Variants in SUPT3H observed in about 807,000 individuals in gnomAD.
SUPT3H encodes transcription initiation protein SPT3 homolog.
SUPT3H carries 44 observed loss-of-function variants against 44.3 expected under a neutral mutation model. The observed-to-expected ratio is 0.99, with a 90% CI of 0.78 to 1.28. SUPT3H has a LOEUF of 1.28. Ranked by LOEUF, SUPT3H falls within the 50% of genes most tolerant of loss-of-function variation. The probability of loss-of-function intolerance (pLI) is 0.00; values close to 1 mark genes in which losing one functional copy is unlikely to be tolerated. For missense variants in SUPT3H, 380 were observed against 387.1 expected, an observed-to-expected ratio of 0.98 and a Z score of 0.15; for synonymous variants, 124 against 125.6, an observed-to-expected ratio of 0.99 and a Z score of 0.09.
At chr6:45,192,279 G>T (rs1269574369) in intron 2 of SUPT3H, among the ~76,000 whole-genome samples, 1 of 151,918 alleles carries the variant, frequency 6.6e-6, no homozygotes. Context: ...TTTTGCAAGG[G>T]GAAAAAATCA....
chr6:44,991,447 G>A (rs997246381), intron 6 of SUPT3H, among the ~76,000 whole-genome samples: 2 of 151,926 alleles, frequency 1.3e-5, no homozygotes, highest in African/African-American at 2.4e-5. Context: ...AGTTCCAAAC[G>A]GATATGCTAA....
chr6:44,893,192 T>A (rs1763567421), intron 10 of SUPT3H, among the ~76,000 whole-genome samples: 1 of 152,210 alleles, frequency 6.6e-6, no homozygotes, highest in South Asian at 2.1e-4. Context: ...CTATTTATAA[T>A]ATATAAAGGC....
intron 2 of SUPT3H, among the ~76,000 whole-genome samples, chr6:45,288,848 ATCC>A (rs1562883910): frequency 6.6e-6 from 1 of 151,858 alleles, no homozygotes; most frequent in East Asian, 1.9e-4. Flanking sequence ...CTTTTTGCCC[ATCC>A]TCTGTCCATT....
chr6:45,105,980 G>A lies in SUPT3H; in HGVS notation c.128C>T (p.Pro43Leu), dbSNP rs780450405. The A allele has an allele frequency of 5.0e-6, 8 of 1,613,668 alleles. No individual in the cohort carries two copies. Among genetic ancestry groups the A allele is most frequent in the East Asian group, 2.2e-5 (1 of 44,830 alleles). The stretch of plus-strand genomic sequence containing the variant: ...TACCAAAACTGCTGTTTCATGAAGA[G>A]GCCTTCTAGCATCACCTAAAGAATA... ...MMYSLGDARR[P>L]LHETAVLVED... The change falls in exon 3 of 11, where the codon CCT (proline) becomes CTT (leucine). Residue 43 changes from proline to leucine, a missense_variant. Coordinates refer to ENST00000371459, the MANE Select transcript of SUPT3H (RefSeq NM_003599.4).
intron 6 of SUPT3H, among the ~76,000 whole-genome samples, chr6:44,991,784 G>A (rs1780651287): frequency 6.6e-6 from 1 of 151,990 alleles, no homozygotes; most frequent in Admixed American, 6.6e-5. Context: ...AAGAAATGGG[G>A]GAAATTATCT....
chr6:45,132,791 G>A (rs1171724221), intron 2 of SUPT3H, among the ~76,000 whole-genome samples: 1 of 152,104 alleles, frequency 6.6e-6, no homozygotes, highest in Non-Finnish European at 1.5e-5. Context: ...ATTAGTGTTG[G>A]TCTAGAAATA....
At chr6:45,102,855 C>T (rs1326640766) in intron 3 of SUPT3H, among the ~76,000 whole-genome samples, 1 of 151,784 alleles carries the variant, frequency 6.6e-6, no homozygotes, top group Admixed American at 6.6e-5. Context: ...CAGGAAATCG[C>T]TTGAACCCAG....
chr6:45,169,539 C>A (rs1395956194), intron 2 of SUPT3H, among the ~76,000 whole-genome samples: 1 of 152,006 alleles, frequency 6.6e-6, no homozygotes, highest in East Asian at 1.9e-4. Context: ...ATTGCTTGAA[C>A]ATAAAAAAAA....
chr6:44,877,194 C>T (rs1002903198), intron 10 of SUPT3H, among the ~76,000 whole-genome samples: 8 of 152,242 alleles, frequency 5.3e-5, no homozygotes, highest in East Asian at 3.9e-4. Context: ...GGGCTGGGCA[C>T]GGTGGATCAT....
chr6:44,948,425 A>G, intron 9 of SUPT3H, among the ~76,000 whole-genome samples: 1 of 152,178 alleles, frequency 6.6e-6, no homozygotes. Flanking sequence ...CTGCACAGCA[A>G]AAGAATCTAC....
chr6:45,316,337 A>T (rs12525996), intron 2 of SUPT3H, among the ~76,000 whole-genome samples: 2 of 152,106 alleles, frequency 1.3e-5, no homozygotes, highest in South Asian at 4.1e-4. Context: ...ATAAAATTTT[A>T]AAAAAATAAA....
At position 45,095,039 on chromosome 6, in the gene SUPT3H, T is replaced by A. The variant is rs1797616798; in HGVS notation, c.186+10883A>T. ...CAGTAGCAGACAGAAAGGCCGAGAA[T>A]TTTTTCCCAGATGGTATTTGTGGAC... On this transcript the variant is annotated intron_variant, in intron 3 of 10. Coordinates refer to ENST00000371459, the MANE Select transcript of SUPT3H (RefSeq NM_003599.4). The surrounding 1 kb of genome is among the most constrained non-coding windows in gnomAD (Gnocchi z 4.1). Among the ~76,000 whole-genome samples the A allele has an allele frequency of 6.6e-6, 1 of 152,090 alleles. No individual in the cohort carries two copies. The highest frequency in any genetic ancestry group is 1.9e-4 in the East Asian group (1 of 5,196).
intron 1 of SUPT3H, among the ~76,000 whole-genome samples, chr6:45,366,909 T>C (rs1309015336): frequency 1.3e-5 from 2 of 152,158 alleles, no homozygotes; most frequent in African/African-American, 4.8e-5. Flanking sequence ...CTCAGTTCAT[T>C]CTCCATACTG....
intron 11 of SUPT3H, among the ~76,000 whole-genome samples, chr6:44,820,941 C>G (rs2153405613): frequency 6.6e-6 from 1 of 152,244 alleles, no homozygotes; most frequent in East Asian, 1.9e-4. Context: ...GCCTTGAACT[C>G]CTGGGCTCAA....
intron 5 of SUPT3H, among the ~76,000 whole-genome samples, chr6:45,005,706 A>G (rs1454459751): frequency 6.6e-6 from 1 of 151,774 alleles, no homozygotes; most frequent in East Asian, 1.9e-4. Context: ...GTCTCAAAAA[A>G]AAAAAAAAAA....
intron 3 of SUPT3H, among the ~76,000 whole-genome samples, chr6:45,071,623 G>A (rs1258952144): frequency 4.6e-5 from 7 of 152,132 alleles, no homozygotes; most frequent in Non-Finnish European, 1.0e-4. Flanking sequence ...CTGGGGATCT[G>A]TCCCAGTTAT....
rs573983771 is a variant in SUPT3H, at chr6:44,878,833, C to T, written c.913-48976G>A. 7.9e-5 allele frequency among the ~76,000 whole-genome samples: 12 copies of T among 152,176 alleles called. 1 individual carries two copies. The highest frequency in any genetic ancestry group is 1.6e-4 in the Non-Finnish European group (11 of 67,992). On this transcript the variant is annotated intron_variant, in intron 10 of 10. Transcript: ENST00000371459. ...GGAATAGCAAGGGGTCAGGGAACTC[C>T]CTCCCTTAGCCAAGGGAAGCCGTGA...
Position 45,026,985 on chromosome 6 carries a change from C to CTTT in SUPT3H, c.187-6356_187-6354dup, listed in dbSNP as rs34588777. Among the ~76,000 whole-genome samples, 91 of 87,498 alleles carry CTTT rather than the reference C, an allele frequency of 1.0e-3. 1 individual carries two copies. Among genetic ancestry groups the CTTT allele is most frequent in the Middle Eastern group, 6.3e-3 (1 of 158 alleles). 57.4% of individuals were successfully genotyped at this position (87,498 alleles called of 152,430 possible). ...CCCTTCTACTCTTCTGCTTTGGATC[C>CTTT]TTTTTTTTTTTTTTTTTTTTTTGAG... On this transcript the variant is annotated intron_variant, in intron 3 of 10. Transcript: ENST00000371459.
chr6:44,939,550 T>G (rs1029819434), intron 9 of SUPT3H, among the ~76,000 whole-genome samples: 1 of 152,134 alleles, frequency 6.6e-6, no homozygotes, highest in Non-Finnish European at 1.5e-5. Context: ...TTGCCTGGTT[T>G]GGTATCAGGA....
Sources: allele counts gnomAD v4.1 joint callset (sites outside exome capture counted in the v4.1 genomes callset), GRCh38; gene constraint gnomAD v4.1.1; non-coding constraint Gnocchi (gnomAD v3.1); transcripts MANE v1.5; gene names NCBI Gene and HGNC (gene_info 2026-07-23, HGNC 2026-07-21).